CFAP92: variants seen among roughly 807,000 people sequenced by gnomAD.
The protein encoded by CFAP92 is uncharacterized protein CFAP92.
In CFAP92, 86 loss-of-function variants were observed where a neutral mutation model predicts 106.3. The ratio of observed to expected loss-of-function variants is 0.81; its 90% confidence interval spans 0.68 to 0.97. CFAP92 has a LOEUF of 0.97. CFAP92 is among the 50% of genes least tolerant of loss of function. CFAP92 has a pLI of 0.00. For missense variants in CFAP92, 1,204 were observed against 1,283.8 expected, an observed-to-expected ratio of 0.94 and a Z score of 0.95; for synonymous variants, 477 against 506.4, an observed-to-expected ratio of 0.94 and a Z score of 0.78.
intron 11 of CFAP92, 130 bp downstream of exon 11, chr3:128,934,994 TC>T: frequency 1.5e-6 from 1 of 650,476 alleles, no homozygotes; most frequent in Non-Finnish European, 2.5e-6. Context: ...CGGATGGTCC[TC>T]CTCCCCCCAC....
intron 10 of CFAP92, among the ~76,000 whole-genome samples, chr3:128,937,605 A>G (rs1576444070): frequency 2.0e-5 from 1 of 51,170 alleles, no homozygotes; most frequent in African/African-American, 2.7e-4. Flanking sequence ...CTCCATATCC[A>G]AAAAAAAAAA....
chr3:128,985,603 T>A (rs927060024), intron 4 of CFAP92, among the ~76,000 whole-genome samples: 3 of 152,082 alleles, frequency 2.0e-5, no homozygotes, highest in Admixed American at 6.6e-5. Context: ...TACTCCCACC[T>A]CAACACCCTA....
intron 15 of CFAP92, chr3:128,910,816 G>A: frequency 1.9e-6 from 3 of 1,614,156 alleles, no homozygotes; most frequent in Non-Finnish European, 2.5e-6. Flanking sequence ...GGACAAGTGT[G>A]AGTGGCATGT....
At chr3:128,912,862 C>T (rs1464590084) in intron 15 of CFAP92, 1 of 644,424 alleles carries the variant, frequency 1.6e-6, no homozygotes, top group Non-Finnish European at 2.9e-6. Context: ...ACCCCTGGAA[C>T]TGGCGGGTAT....
At chr3:128,926,891 T>C (rs1680787) in intron 12 of CFAP92, among the ~76,000 whole-genome samples, 65,629 of 151,792 alleles carry the variant, frequency 0.43, 16,671 homozygotes, top group African/African-American at 0.7. Context: ...GTCAGGAGAT[T>C]GAGACCAGTG....
the CFAP92 span, among the ~76,000 whole-genome samples, chr3:129,024,216 A>G: frequency 6.6e-6 from 1 of 152,194 alleles, no homozygotes; most frequent in African/African-American, 2.4e-5. Flanking sequence ...AGAATACCAC[A>G]GACTGGGTAA....
chr3:128,972,842 C>G (rs963079263), intron 7 of CFAP92, among the ~76,000 whole-genome samples: 1 of 146,694 alleles, frequency 6.8e-6, no homozygotes, highest in Non-Finnish European at 1.5e-5. Context: ...GCTACAAGAG[C>G]GAAACTCAGT....
chr3:128,981,038 CTTT>C (rs533356293), intron 4 of CFAP92, among the ~76,000 whole-genome samples: 2 of 139,526 alleles, frequency 1.4e-5, no homozygotes, highest in African/African-American at 2.6e-5. Flanking sequence ...CTTTTTCTTT[CTTT>C]TTTTTTTTTT....
chr3:128,984,495 T>C (rs1331284144), intron 4 of CFAP92, among the ~76,000 whole-genome samples: 4 of 152,100 alleles, frequency 2.6e-5, no homozygotes, highest in South Asian at 4.1e-4. Context: ...CTTCAACTTT[T>C]AGACTCTTGG....
At chr3:129,001,708 C>G in intron 1 of CFAP92, 1 of 1,509,058 alleles carries the variant, frequency 6.6e-7, no homozygotes, top group Non-Finnish European at 8.8e-7. Flanking sequence ...GCGCGGCGCA[C>G]GCAGTGGCTG....
intron 8 of CFAP92, chr3:128,967,034 A>G (rs1305980788): frequency 2.6e-5 from 4 of 152,234 alleles, no homozygotes; most frequent in African/African-American, 9.6e-5. Context: ...GTGATAAGCT[A>G]GAGTCTCCAA....
intron 1 of CFAP92, among the ~76,000 whole-genome samples, chr3:129,001,233 C>A (rs1367385867): frequency 6.6e-6 from 1 of 152,234 alleles, no homozygotes; most frequent in African/African-American, 2.4e-5. Context: ...AGCGAACTCT[C>A]CGCGCCAGGC....
chr3:128,934,464 C>T (rs946091820), intron 11 of CFAP92, among the ~76,000 whole-genome samples: 2 of 152,118 alleles, frequency 1.3e-5, no homozygotes, highest in African/African-American at 4.8e-5. Context: ...GGTGATCCAC[C>T]CGCCTTGGCC....
intron 2 of CFAP92, among the ~76,000 whole-genome samples, chr3:128,992,056 A>T (rs1192284379): frequency 4.6e-5 from 7 of 152,150 alleles, no homozygotes; most frequent in African/African-American, 1.4e-4. Flanking sequence ...AGGATAGCCC[A>T]CTGGTCCAGG....
intron 1 of CFAP92, chr3:129,001,786 C>G: frequency 1.3e-6 from 2 of 1,543,644 alleles, no homozygotes; most frequent in Non-Finnish European, 1.7e-6. Context: ...GTGCTGGCCA[C>G]CGGCCTGGAC....
chr3:128,942,009 A>G (rs140294673), intron 10 of CFAP92, among the ~76,000 whole-genome samples: 26 of 152,320 alleles, frequency 1.7e-4, no homozygotes, highest in African/African-American at 5.8e-4. Flanking sequence ...CTTTTGAGAT[A>G]TAATTCATAT....
chr3:129,025,069 C>G, the CFAP92 span, among the ~76,000 whole-genome samples: 1 of 152,006 alleles, frequency 6.6e-6, no homozygotes, highest in African/African-American at 2.4e-5. Context: ...CTGTGAGAAG[C>G]CTGTGGGACA....
At chr3:128,989,974 AC>A (rs1488231174) in intron 2 of CFAP92, among the ~76,000 whole-genome samples, 1 of 152,202 alleles carries the variant, frequency 6.6e-6, no homozygotes, top group Admixed American at 6.5e-5. Context: ...TCTATCAAAA[AC>A]TATTAATACA....
intron 9 of CFAP92, among the ~76,000 whole-genome samples, chr3:128,955,015 G>C (rs1941236454): frequency 3.9e-5 from 1 of 25,660 alleles, no homozygotes; most frequent in Admixed American, 3.0e-4. Flanking sequence ...GGAGGTGAGG[G>C]GCGCCTCTGC....
Sources: gnomAD v4.1 joint callset for allele counts (sites outside exome capture counted in the v4.1 genomes callset) on GRCh38, gnomAD v4.1.1 for gene constraint, MANE v1.5 for transcripts, NCBI Gene and HGNC (gene_info 2026-07-23, HGNC 2026-07-21) for gene names.